The following NHLRC3 variants were observed in gnomAD, a reference collection of about 807,000 sequenced individuals.
NHLRC3 encodes NHL repeat-containing protein 3.
A neutral mutation model predicts 32.0 loss-of-function variants in NHLRC3; 23 were observed. The observed-to-expected ratio is 0.72, with a 90% confidence interval of 0.52 to 1.02. The LOEUF is 1.02. Among genes scored for constraint, NHLRC3 ranks in the 50% least tolerant of loss-of-function variants. The pLI is 0.00. For synonymous variants in NHLRC3, 159 were observed against 147.9 expected (o/e 1.08, Z -0.55); for missense variants, 407 against 406.8 (o/e 1.00, Z -0.01).
In NHLRC3 at chr13:39,047,745, C is replaced by G; in HGVS notation, c.863C>G (p.Pro288Arg). ...NLSRLSVVAAPPVGSIGECSV... is the reference protein window; with the variant it reads ...NLSRLSVVAARPVGSIGECSV... ...AGCAGGCTCTCAGTCGTAGCAGCACCCCCAGTGGGAAGCATTGGGGAGTGT... is the reference window on the plus strand; with the variant it reads ...AGCAGGCTCTCAGTCGTAGCAGCACGCCCAGTGGGAAGCATTGGGGAGTGT... Residue 288 changes from proline to arginine, a missense_variant, in exon 7 of 7, where the codon CCC becomes CGC. By Grantham distance (103) the Pro-to-Arg change is moderately radical (BLOSUM62 -2). Transcript: ENST00000379600. 1 of 1,614,014 alleles carries G rather than the reference C, an allele frequency of 6.2e-7. No homozygotes were observed. Among genetic ancestry groups the G allele is most frequent in the Middle Eastern group, 1.6e-4 (1 of 6,062 alleles).
Position 39,047,933 on chromosome 13 carries a change from T to C in NHLRC3, c.*7T>C. 1.9e-6 allele frequency: 3 copies of C among 1,587,584 alleles called. No individual in the cohort carries two copies. Among genetic ancestry groups the C allele is most frequent in the South Asian group, 1.1e-5 (1 of 89,076 alleles). ...TCCTTCATTTGGTTCATAATGTTTC[T>C]TTCCTGGGAATATTTCAAGTGGCAG... is the stretch of plus-strand genomic sequence containing the variant. On this transcript the variant is annotated 3_prime_UTR_variant, in exon 7 of 7. Transcript: ENST00000379600.
intron 5 of NHLRC3, chr13:39,044,399 T>G (rs181933900): frequency 1.6e-4 from 78 of 474,048 alleles, no homozygotes; most frequent in Admixed American, 1.3e-3. Context: ...AGTGTTTGAG[T>G]CCTATAGTGA....
At chr13:39,038,932 C>T (rs1449801252) in intron 1 of NHLRC3, 2 of 635,270 alleles carry the variant, frequency 3.1e-6, no homozygotes, top group South Asian at 1.9e-5. Flanking sequence ...ACTCTTACTA[C>T]ATCCTCAAAT....
chr13:39,039,092 ACCT>A, intron 1 of NHLRC3, 41 bp from the exon 2 acceptor site: 1 of 707,534 alleles, frequency 1.4e-6, no homozygotes, highest in Non-Finnish European at 2.0e-6. Flanking sequence ...TTTTGTTCTT[ACCT>A]AGACGGTAAA....
rs781355187 is a variant in NHLRC3 at position 39,039,728 on chromosome 13, CTATT to C, written c.385+18_385+21del. 10 of 1,569,970 alleles carry C rather than the reference CTATT, an allele frequency of 6.4e-6. No homozygotes were observed. The highest frequency in any genetic ancestry group is 1.1e-5 in the South Asian group (1 of 87,922). On this transcript the variant is annotated intron_variant, in intron 3 of 6. Coordinates refer to ENST00000379600, the MANE Select transcript of NHLRC3 (RefSeq NM_001012754.4). The stretch of plus-strand genomic sequence containing the variant: ...TAGGAAGTGGTATGTATAGTAATAT[CTATT>C]AAATTATCTTACTGGAAATCACATC...
In NHLRC3 at chr13:39,047,801, C is replaced by A; in HGVS notation, c.919C>A (p.Gln307Lys). The A allele has an allele frequency of 6.2e-7, 1 of 1,614,136 alleles. No individual in the cohort carries two copies. The highest frequency in any genetic ancestry group is 8.5e-7 in the Non-Finnish European group (1 of 1,180,024). The change falls in exon 7 of 7, where the codon CAA becomes AAA. Residue 307 changes from glutamine to lysine, a missense_variant. Physicochemically the swap from Gln to Lys is moderately conservative, Grantham distance 53 (BLOSUM62 1). Transcript: ENST00000379600. ...SVISTIQLAD[Q>K]VLPHLLEVDR... is the part of the protein sequence containing the mutation. ...GATCAGCACAATCCAACTAGCAGAT[C>A]AAGTTTTGCCACATCTCCTAGAAGT...
chr13:39,038,593 C>T lies in NHLRC3; in HGVS notation c.-47C>T. 7.9e-6 allele frequency: 12 copies of T among 1,517,366 alleles called. No individual in the cohort carries two copies. Among genetic ancestry groups the T allele is most frequent in the Non-Finnish European group, 1.1e-5 (12 of 1,091,398 alleles). The allele number at this position is 1,517,366 out of a possible 1,614,324, so 94.0% of individuals were successfully genotyped here. ...TTGCAGCCTGAGGCTGTCAGGTCCT[C>T]CCCCAGACACCTGCGGACCCTCCCT... On this transcript the variant is annotated 5_prime_UTR_variant, in exon 1 of 7. Coordinates refer to ENST00000379600, the MANE Select transcript of NHLRC3 (RefSeq NM_001012754.4).
chr13:39,039,685 C>T lies in NHLRC3; in HGVS notation c.359C>T (p.Ser120Phe), dbSNP rs139647635. 6.2e-7 allele frequency: 1 copy of T among 1,612,468 alleles called. No individual in the cohort carries two copies. Among genetic ancestry groups the T allele is most frequent in the East Asian group, 2.2e-5 (1 of 44,840 alleles). Residue 120 changes from serine to phenylalanine, a missense_variant, in exon 3 of 7, where the codon TCC becomes TTC. Ser to Phe is a radical substitution (Grantham distance 155). Coordinates refer to ENST00000379600, the MANE Select transcript of NHLRC3 (RefSeq NM_001012754.4). ...GCAGCCAGTACTCTATATGAACAAT[C>T]CGTCTGGATCACGGATGTAGGAAGT... ...IFAASTLYEQSVWITDVGSGF... is the reference protein window; with the variant it reads ...IFAASTLYEQFVWITDVGSGF...
chr13:39,039,867 T>G, intron 3 of NHLRC3, 156 bp downstream of exon 3: 1 of 584,220 alleles, frequency 1.7e-6, no homozygotes. Flanking sequence ...TATTTTGTAC[T>G]TCTGTGGAAT....
Position 39,042,160 on chromosome 13 carries a change from C to G in NHLRC3, c.441C>G (p.Val147=). The G allele has an allele frequency of 6.2e-7, 1 of 1,612,324 alleles. No individual in the cohort carries two copies. Among genetic ancestry groups the G allele is most frequent in the Non-Finnish European group, 8.5e-7 (1 of 1,178,566 alleles). Residue 147 remains valine, a synonymous_variant, in exon 4 of 7, where the codon GTC becomes GTG. Transcript: ENST00000379600. ...KYSSFGDLVQ[V]LGTPGKKGTS... The stretch of plus-strand genomic sequence containing the variant: ...GTTCTTTTGGTGATCTTGTTCAAGT[C>G]TTGGGTACTCCAGGCAAAAAAGGCA...
Position 39,039,700 on chromosome 13 carries a change from A to T in NHLRC3, c.374A>T (p.Asp125Val). Residue 125 changes from aspartate to valine, a missense_variant, in exon 3 of 7, where the codon GAT (aspartate) becomes GTT (valine). Transcript: ENST00000379600. ...TATGAACAATCCGTCTGGATCACGG[A>T]TGTAGGAAGTGGTATGTATAGTAAT... ...TLYEQSVWIT[D>V]VGSGFFGHTV... 6.2e-7 allele frequency: 1 copy of T among 1,611,906 alleles called. No individual in the cohort carries two copies. The highest frequency in any genetic ancestry group is 8.5e-7 in the Non-Finnish European group (1 of 1,178,076).
At position 39,049,844 on chromosome 13, in the gene NHLRC3, G is replaced by A. The variant is rs564871679; in HGVS notation, c.*1918G>A. On this transcript the variant is annotated 3_prime_UTR_variant, in exon 7 of 7. Coordinates refer to ENST00000379600, the MANE Select transcript of NHLRC3 (RefSeq NM_001012754.4). ...TGAAGCAATTCAGGCTAGGTAAACC[G>A]ATTTTGCCATTTCAAAACGTTTTAT... 7 of 152,290 alleles carry A rather than the reference G, an allele frequency of 4.6e-5. No individual in the cohort carries two copies. Among genetic ancestry groups the A allele is most frequent in the South Asian group, 2.1e-4 (1 of 4,832 alleles). 9.4% of individuals were successfully genotyped at this position (152,290 alleles called of 1,614,324 possible). A position where few individuals can be genotyped will look rare whatever the true frequency, so the allele number is the denominator to read the frequency against.
intron 3 of NHLRC3, chr13:39,040,931 T>G (rs1353343527): frequency 1.3e-5 from 2 of 152,234 alleles, no homozygotes; most frequent in Non-Finnish European, 2.9e-5. Flanking sequence ...AGATTATCAC[T>G]GAGTGAATTG....
At chr13:39,038,958 A>C (rs1871328589) in intron 1 of NHLRC3, 178 bp from the exon 2 acceptor site, 2 of 638,046 alleles carry the variant, frequency 3.1e-6, no homozygotes, top group Admixed American at 2.9e-5. Context: ...GCAGACTTGT[A>C]TTGTGGTCGT....
At position 39,039,591 on chromosome 13, in the gene NHLRC3, G is replaced by A; in HGVS notation, c.265G>A (p.Val89Met). ...AGGGGATAACATCCCAAAGATATTA[G>A]TGTTCACAGAGGATGGATATTTCCT... ...QRGDNIPKIL[V>M]FTEDGYFLRA... Residue 89 changes from valine (V) to methionine (M), a missense_variant, in exon 3 of 7, where the codon GTG (valine) becomes ATG (methionine). By Grantham distance (21) the Val-to-Met change is conservative (BLOSUM62 1). Coordinates refer to ENST00000379600, the MANE Select transcript of NHLRC3 (RefSeq NM_001012754.4). The A allele has an allele frequency of 6.2e-7, 1 of 1,612,112 alleles. No individual in the cohort carries two copies. The highest frequency in any genetic ancestry group is 1.1e-5 in the South Asian group (1 of 91,060).
rs11384181 is a variant in NHLRC3 at position 39,049,047 on chromosome 13, C to CT, written c.*1136dup. ...TGAATATTGGCTTCCCAATTAAGAC[C>CT]TTTTTTTTTTTTTTTCCAGTTTGTT... On this transcript the variant is annotated 3_prime_UTR_variant, in exon 7 of 7. Transcript: ENST00000379600. 38,210 of 142,424 alleles carry CT rather than the reference C, an allele frequency of 0.27. 6,785 individuals are homozygous for CT. The highest frequency in any genetic ancestry group is 0.52 in the African/African-American group (19,997 of 38,598). 8.8% of individuals were successfully genotyped at this position (142,424 alleles called of 1,614,324 possible).
chr13:39,046,277 C>T lies in NHLRC3; in HGVS notation c.679-763C>T, dbSNP rs1469523428. On this transcript the variant is annotated intron_variant, in intron 5 of 6. Coordinates refer to ENST00000379600, the MANE Select transcript of NHLRC3 (RefSeq NM_001012754.4). ...GAGCTTGCAGTGAGCCGAGACTGCG[C>T]CACTGCACTCCAGCCTGGGTGACAG... Among the ~76,000 whole-genome samples the T allele has an allele frequency of 3.9e-5, 6 of 152,146 alleles. No homozygotes were observed. The East Asian group carries it at 1.2e-3, about 29-fold the overall frequency.
chr13:39,042,023 AT>A, intron 3 of NHLRC3, 81 bp from the exon 4 acceptor site: 1 of 748,060 alleles, frequency 1.3e-6, no homozygotes, highest in Non-Finnish European at 2.3e-6. Context: ...CTTCTATCAA[AT>A]TTTTGCTCTT....
intron 3 of NHLRC3, 87 bp from the exon 4 acceptor site, chr13:39,042,018 A>G (rs1871482235): frequency 1.4e-6 from 1 of 711,612 alleles, no homozygotes; most frequent in African/African-American, 1.8e-5. Context: ...ATTTACTTCT[A>G]TCAAATTTTT....
Sources: gnomAD v4.1 joint callset for allele counts (sites outside exome capture counted in the v4.1 genomes callset) on GRCh38, gnomAD v4.1.1 for gene constraint, MANE v1.5 for transcripts, NCBI Gene and HGNC (gene_info 2026-07-23, HGNC 2026-07-21) for gene names.